The following GNRHR variants were observed in gnomAD, a reference collection of about 807,000 sequenced individuals.
GNRHR encodes the protein gonadotropin releasing hormone receptor, also known as gonadotropin-releasing hormone receptor.
Under a neutral mutation model 28.1 loss-of-function variants are expected in GNRHR, and 14 were observed. The observed-to-expected ratio is 0.50, with a 90% CI of 0.33 to 0.78. The LOEUF is 0.78. Ranked by LOEUF, GNRHR falls within the 30% of genes least tolerant of loss-of-function variation. The pLI is 0.02. For missense variants in GNRHR, 366 were observed against 382.1 expected (o/e 0.96, Z 0.35); for synonymous variants, 141 against 140.5 (o/e 1.00, Z -0.02).
intron 1 of GNRHR, among the ~76,000 whole-genome samples, chr4:67,750,095 A>G (rs984632596): frequency 2.0e-5 from 3 of 152,206 alleles, no homozygotes; most frequent in Admixed American, 6.6e-5. Context: ...TATAAATTGT[A>G]TGACTTATTC....
chr4:67,745,073 T>C (rs1421276428), intron 1 of GNRHR, among the ~76,000 whole-genome samples: 1 of 152,172 alleles, frequency 6.6e-6, no homozygotes, highest in African/African-American at 2.4e-5. Context: ...CAGTTTCCAG[T>C]ACAATTATGC....
intron 1 of GNRHR, among the ~76,000 whole-genome samples, chr4:67,748,722 T>TAA (rs1174072674): frequency 2.0e-4 from 27 of 133,722 alleles, no homozygotes; most frequent in Non-Finnish European, 1.7e-4. Flanking sequence ...ATAATAATAA[T>TAA]AATAAAATAA....
At chr4:67,749,681 G>A (rs538229524) in intron 1 of GNRHR, among the ~76,000 whole-genome samples, 53 of 144,406 alleles carry the variant, frequency 3.7e-4, no homozygotes, top group African/African-American at 1.3e-3. Context: ...CTCCCTCCCT[G>A]CCTCCTTTCC....
rs2109980391 is a variant in GNRHR, at chr4:67,739,244, C to A, written c.*1236G>T. ...ACATAAAGAGGTCTTGTTGTGCAGA[C>A]ATATTTTGGAAACCATACTATTTAA... On this transcript the variant is annotated 3_prime_UTR_variant, in exon 3 of 3. Coordinates refer to ENST00000226413, the MANE Select transcript of GNRHR (RefSeq NM_000406.3). 1 of 152,044 alleles carries A rather than the reference C, an allele frequency of 6.6e-6. No individual in the cohort carries two copies. The highest frequency in any genetic ancestry group is 2.1e-4 in the South Asian group (1 of 4,822). 9.4% of individuals were successfully genotyped at this position (152,044 alleles called of 1,614,324 possible).
chr4:67,746,386 A>G (rs753191463), intron 1 of GNRHR, among the ~76,000 whole-genome samples: 3 of 152,118 alleles, frequency 2.0e-5, no homozygotes, highest in African/African-American at 7.2e-5. Context: ...TGAATCAACA[A>G]TTAAGAAAAT....
At chr4:67,747,661 G>A (rs3796719) in intron 1 of GNRHR, among the ~76,000 whole-genome samples, 1 of 152,018 alleles carries the variant, frequency 6.6e-6, no homozygotes, top group Non-Finnish European at 1.5e-5. Flanking sequence ...AATTAGCAAT[G>A]ACTTTGAAAC....
At chr4:67,744,466 ACTG>A (rs1731718196) in intron 2 of GNRHR, 99 bp downstream of exon 2, 1 of 743,994 alleles carries the variant, frequency 1.3e-6, no homozygotes, top group African/African-American at 1.7e-5. Flanking sequence ...ATATATGCAA[ACTG>A]CTTAGAACAG....
Position 67,738,746 on chromosome 4 carries a change from C to T in GNRHR, c.*1734G>A, listed in dbSNP as rs1408892259. Among the ~76,000 whole-genome samples the T allele has an allele frequency of 6.6e-6, 1 of 151,928 alleles. No homozygotes were observed. Among genetic ancestry groups the T allele is most frequent in the African/African-American group, 2.4e-5 (1 of 41,406 alleles). On this transcript the variant is annotated 3_prime_UTR_variant, in exon 3 of 3. Coordinates refer to ENST00000226413, the MANE Select transcript of GNRHR (RefSeq NM_000406.3). ...TTATGTGCCAACTTGAGCATTTTAG[C>T]ACACTACAGAATTTTAGCCTTGTCC... is the stretch of plus-strand genomic sequence containing the variant.
Position 67,744,590 on chromosome 4 carries a change from C to T in GNRHR, c.720G>A (p.Arg240=). 3.7e-6 allele frequency: 6 copies of T among 1,607,616 alleles called. No homozygotes were observed. The highest frequency in any genetic ancestry group is 5.1e-6 in the Non-Finnish European group (6 of 1,174,272). Residue 240 remains arginine (R), a synonymous_variant, in exon 2 of 3, where the codon CGG becomes CGA. Coordinates refer to ENST00000226413, the MANE Select transcript of GNRHR (RefSeq NM_000406.3). ...TACCGTGGGGGTCCTGATGAAGGAC[C>T]CGTGTCAGGGTGAAGATGATTTTTG... ...CNAKIIFTLT[R]VLHQDPHELQ...
Position 67,753,874 on chromosome 4 carries a change from T to G in GNRHR, c.462A>C (p.Lys154Asn). The G allele has an allele frequency of 6.2e-7, 1 of 1,613,982 alleles. No homozygotes were observed. Among genetic ancestry groups the G allele is most frequent in the Non-Finnish European group, 8.5e-7 (1 of 1,179,956 alleles). ...CCAGGCCAACCATGGACTGTCCGAC[T>G]TTGCTGTTGCTTTTCAAAGCTAGGG... ...TRPLALKSNS[K>N]VGQSMVGLAW... The change falls in exon 1 of 3, where the codon AAA becomes AAC. Residue 154 changes from lysine (K) to asparagine (N), a missense_variant. Transcript: ENST00000226413.
Position 67,754,300 on chromosome 4 carries a change from AT to A in GNRHR, c.35del (p.Asn12IlefsTer12). On this transcript the variant is annotated frameshift_variant, in exon 1 of 3. Coordinates refer to ENST00000226413, the MANE Select transcript of GNRHR (RefSeq NM_000406.3). LOFTEE classifies it high-confidence loss of function. ...TGCTGTTGTTGATGGCTGAACAGTG[AT>A]TTTGATTCTGTTCAGGAGAGGCACT... ...ANSASPEQNQ[N>X]HCSAINNSIP... 3 of 1,612,380 alleles carry A rather than the reference AT, an allele frequency of 1.9e-6. No individual in the cohort carries two copies. The South Asian group carries it at 3.3e-5, about 18-fold the overall frequency.
chr4:67,742,983 G>A (rs527709856), intron 2 of GNRHR, among the ~76,000 whole-genome samples: 11 of 149,346 alleles, frequency 7.4e-5, no homozygotes, highest in East Asian at 2.0e-4. Flanking sequence ...CCTGAGTTTC[G>A]CTCTTGCTGC....
chr4:67,742,122 T>C (rs1731671919), intron 2 of GNRHR, among the ~76,000 whole-genome samples: 1 of 152,206 alleles, frequency 6.6e-6, no homozygotes, highest in Admixed American at 6.5e-5. Context: ...AGGAAGTCTT[T>C]GCCTAAGCCA....
chr4:67,752,970 C>T (rs913488679), intron 1 of GNRHR, among the ~76,000 whole-genome samples: 8 of 152,176 alleles, frequency 5.3e-5, no homozygotes, highest in Admixed American at 4.6e-4. Flanking sequence ...CAAGAGAAAA[C>T]TTGTTCATCT....
chr4:67,741,961 A>T (rs1049875734), intron 2 of GNRHR, among the ~76,000 whole-genome samples: 1 of 152,196 alleles, frequency 6.6e-6, no homozygotes, highest in Non-Finnish European at 1.5e-5. Context: ...GTCCTTTGTC[A>T]GATGGACAGA....
chr4:67,749,520 G>A (rs1166058417), intron 1 of GNRHR, among the ~76,000 whole-genome samples: 1 of 152,082 alleles, frequency 6.6e-6, no homozygotes, highest in African/African-American at 2.4e-5. Flanking sequence ...TTTAGGAAAT[G>A]TCTTCTCTTC....
rs774576500 is a variant in GNRHR, at chr4:67,740,656, C to G, written c.811G>C (p.Ala271Pro). 1 of 1,606,394 alleles carries G rather than the reference C, an allele frequency of 6.2e-7. No homozygotes were observed. Among genetic ancestry groups the G allele is most frequent in the South Asian group, 1.1e-5 (1 of 90,952 alleles). Reference sequence around the variant, plus strand: ...CAGACAGTAAATGAAGTGGCAAATGCAACCGTCATTTTTAGAGTCTTCAGC... The same window carrying G: ...CAGACAGTAAATGAAGTGGCAAATGGAACCGTCATTTTTAGAGTCTTCAGC... ...ARLKTLKMTV[A>P]FATSFTVCWT... is the part of the protein sequence containing the mutation. Residue 271 changes from alanine (A) to proline (P), a missense_variant, in exon 3 of 3, where the codon GCA (alanine) becomes CCA (proline). Transcript: ENST00000226413.
intron 1 of GNRHR, among the ~76,000 whole-genome samples, chr4:67,750,677 C>T (rs1391812443): frequency 1.3e-5 from 2 of 151,562 alleles, no homozygotes; most frequent in African/African-American, 2.4e-5. Context: ...GATCCCCAGC[C>T]CTGAGTGGTG....
intron 1 of GNRHR, among the ~76,000 whole-genome samples, chr4:67,748,231 TG>T: frequency 6.6e-6 from 1 of 152,108 alleles, no homozygotes; most frequent in Non-Finnish European, 1.5e-5. Context: ...TACCTAGTGT[TG>T]TCCACAGGTA....
Sources: allele counts gnomAD v4.1 joint callset (sites outside exome capture counted in the v4.1 genomes callset), GRCh38; gene constraint gnomAD v4.1.1; transcripts MANE v1.5; gene names NCBI Gene and HGNC (gene_info 2026-07-23, HGNC 2026-07-21).